KCNB2: variants seen among roughly 807,000 people sequenced by gnomAD.
KCNB2 encodes the protein potassium voltage-gated channel subfamily B member 2, also known as delayed rectifier potassium channel protein.
Under a neutral mutation model 61.5 loss-of-function variants are expected in KCNB2, and 15 were observed. The ratio of observed to expected loss-of-function variants is 0.24; its 90% CI spans 0.16 to 0.38. The LOEUF is 0.38. KCNB2 is among the 10% of genes least tolerant of loss of function. The probability of loss-of-function intolerance (pLI) is 1.00; values close to 1 mark genes in which losing one functional copy is unlikely to be tolerated. For synonymous variants in KCNB2, 457 were observed against 446.0 expected, an observed-to-expected ratio of 1.02 and a Z score of -0.31; for missense variants, 828 against 1,125.2, an observed-to-expected ratio of 0.74 and a Z score of 3.78.
intron 2 of KCNB2, among the ~76,000 whole-genome samples, chr8:72,786,587 C>A (rs1290770780): frequency 6.6e-6 from 1 of 152,146 alleles, no homozygotes. Context: ...GGGTTCAGCT[C>A]TGAGGCTGTG....
intron 2 of KCNB2, among the ~76,000 whole-genome samples, chr8:72,934,407 A>AC (rs1486658006): frequency 6.6e-6 from 1 of 151,502 alleles, no homozygotes; most frequent in Non-Finnish European, 1.5e-5. Flanking sequence ...AAAAAAAAAA[A>AC]AAAAAAAGTA....
At chr8:72,567,105 G>T (rs571578813) in intron 1 of KCNB2, among the ~76,000 whole-genome samples, 1 of 152,162 alleles carries the variant, frequency 6.6e-6, no homozygotes, top group African/African-American at 2.4e-5. Context: ...TGGATTGCTT[G>T]CACCTGGGAG....
chr8:72,850,809 TTA>T (rs776097040), intron 2 of KCNB2, among the ~76,000 whole-genome samples: 2 of 152,198 alleles, frequency 1.3e-5, no homozygotes, highest in African/African-American at 4.8e-5. Flanking sequence ...CTCTTGCCAT[TTA>T]TATGTGTGCA....
intron 2 of KCNB2, among the ~76,000 whole-genome samples, chr8:72,784,972 C>A (rs1371258938): frequency 6.6e-6 from 1 of 152,168 alleles, no homozygotes; most frequent in Non-Finnish European, 1.5e-5. Context: ...CTACAGATGG[C>A]AGCCATTAAT....
intron 2 of KCNB2, among the ~76,000 whole-genome samples, chr8:72,899,770 G>A (rs1163929865): frequency 6.6e-6 from 1 of 152,010 alleles, no homozygotes; most frequent in African/African-American, 2.4e-5. Flanking sequence ...TCATAGATTG[G>A]GCGCCACACT....
intron 2 of KCNB2, among the ~76,000 whole-genome samples, chr8:72,642,431 C>T (rs1409255182): frequency 2.0e-5 from 3 of 151,988 alleles, no homozygotes; most frequent in Non-Finnish European, 4.4e-5. Context: ...GATGGTGCAA[C>T]TCATCCATCA....
intron 1 of KCNB2, among the ~76,000 whole-genome samples, chr8:72,553,523 G>A (rs773357463): frequency 7.2e-5 from 11 of 152,042 alleles, no homozygotes; most frequent in African/African-American, 9.7e-5. Flanking sequence ...TCATAAAATC[G>A]TGATTATTAA....
chr8:72,559,020 A>G (rs1166652305), intron 1 of KCNB2, among the ~76,000 whole-genome samples: 1 of 152,158 alleles, frequency 6.6e-6, no homozygotes, highest in Non-Finnish European at 1.5e-5. Context: ...AGAGAGAGAG[A>G]GGGCTGGGGG....
chr8:72,806,372 AAG>A (rs1554534360), intron 2 of KCNB2, among the ~76,000 whole-genome samples: 1 of 151,302 alleles, frequency 6.6e-6, no homozygotes, highest in Non-Finnish European at 1.5e-5. Context: ...AAAAAAAAAA[AAG>A]AATAATTTGG....
intron 2 of KCNB2, among the ~76,000 whole-genome samples, chr8:72,625,423 A>AT (rs1042623306): frequency 2.6e-5 from 4 of 152,120 alleles, no homozygotes; most frequent in African/African-American, 9.7e-5. Flanking sequence ...TAAAATATTT[A>AT]TTTTTAACTT....
chr8:72,617,479 C>T (rs952543615), intron 2 of KCNB2, among the ~76,000 whole-genome samples: 1 of 151,980 alleles, frequency 6.6e-6, no homozygotes, highest in Non-Finnish European at 1.5e-5. Flanking sequence ...GAAGAACTCT[C>T]ATCTTTGAGT....
intron 2 of KCNB2, among the ~76,000 whole-genome samples, chr8:72,579,763 C>T (rs1442392712): frequency 6.6e-6 from 1 of 152,222 alleles, no homozygotes; most frequent in Non-Finnish European, 1.5e-5. Flanking sequence ...TCAAAGTCCT[C>T]TGTGAGGTAT....
chr8:72,551,937 A>G (rs879404133), intron 1 of KCNB2, among the ~76,000 whole-genome samples: 18 of 152,180 alleles, frequency 1.2e-4, no homozygotes, highest in Non-Finnish European at 2.2e-4. Context: ...GTCAAGTTCT[A>G]GGTCATAAAA....
intron 2 of KCNB2, among the ~76,000 whole-genome samples, chr8:72,683,442 T>A (rs1230236632): frequency 6.6e-6 from 1 of 152,118 alleles, no homozygotes; most frequent in East Asian, 1.9e-4. Context: ...CTTAAAAAAA[T>A]TAAAGAATCG....
intron 2 of KCNB2, among the ~76,000 whole-genome samples, chr8:72,573,191 G>A (rs1274019051): frequency 1.3e-5 from 2 of 152,014 alleles, no homozygotes; most frequent in East Asian, 1.9e-4. Flanking sequence ...AAAAACTCCT[G>A]TGTACTTATC....
chr8:72,748,263 A>AT (rs1165184607), intron 2 of KCNB2, among the ~76,000 whole-genome samples: 4 of 151,992 alleles, frequency 2.6e-5, no homozygotes, highest in Non-Finnish European at 4.4e-5. Flanking sequence ...AACGTGAAGT[A>AT]TTTTTTTTCC....
chr8:72,569,178 A>G (rs1032854581), intron 2 of KCNB2, among the ~76,000 whole-genome samples: 2 of 152,236 alleles, frequency 1.3e-5, no homozygotes, highest in Non-Finnish European at 2.9e-5. Flanking sequence ...AATGATAAGT[A>G]AAAATTCAAA....
chr8:72,688,247 C>G (rs763178825), intron 2 of KCNB2, among the ~76,000 whole-genome samples: 1 of 152,138 alleles, frequency 6.6e-6, no homozygotes, highest in African/African-American at 2.4e-5. Context: ...TTAAAAAATC[C>G]GAGAGCCCTT....
chr8:72,707,224 C>A (rs1014929779), intron 2 of KCNB2, among the ~76,000 whole-genome samples: 1 of 152,238 alleles, frequency 6.6e-6, no homozygotes, highest in African/African-American at 2.4e-5. Flanking sequence ...AAAATAATAA[C>A]CCTCACAAAA....
Sources: gnomAD v4.1 joint callset for allele counts (sites outside exome capture counted in the v4.1 genomes callset) on GRCh38, gnomAD v4.1.1 for gene constraint, MANE v1.5 for transcripts, NCBI Gene and HGNC (gene_info 2026-07-23, HGNC 2026-07-21) for gene names.